PEMT: variants seen among roughly 807,000 people sequenced by gnomAD.
PEMT encodes phospholipid methyltransferase.
PEMT carries 23 observed loss-of-function variants against 27.4 expected under a neutral mutation model. The observed-to-expected ratio is 0.84, with a 90% CI of 0.60 to 1.19. PEMT has a LOEUF of 1.19. Ranked by LOEUF, PEMT falls within the 50% of genes most tolerant of loss-of-function variation. The pLI is 0.00. For synonymous variants in PEMT, 137 were observed against 139.1 expected, an observed-to-expected ratio of 0.98 and a Z score of 0.11; for missense variants, 307 against 310.1, an observed-to-expected ratio of 0.99 and a Z score of 0.07.
intron 3 of PEMT, among the ~76,000 whole-genome samples, chr17:17,516,195 C>T (rs1464383820): frequency 6.6e-6 from 1 of 152,164 alleles, no homozygotes; most frequent in African/African-American, 2.4e-5. Flanking sequence ...GAGTGACTCG[C>T]TCTTTCCACT....
At chr17:17,525,889 G>A (rs1237686630) in intron 2 of PEMT, among the ~76,000 whole-genome samples, 4 of 152,170 alleles carry the variant, frequency 2.6e-5, no homozygotes, top group Admixed American at 1.3e-4. Flanking sequence ...AGCTACTCAG[G>A]AGGCTGAGGC....
chr17:17,560,590 G>A (rs1910405525), intron 2 of PEMT, among the ~76,000 whole-genome samples: 1 of 152,208 alleles, frequency 6.6e-6, no homozygotes, highest in South Asian at 2.1e-4. Flanking sequence ...TAGAGAACCG[G>A]GAATGGGGGC....
intron 2 of PEMT, among the ~76,000 whole-genome samples, chr17:17,552,752 C>T (rs1909749779): frequency 6.6e-6 from 1 of 152,234 alleles, no homozygotes; most frequent in Non-Finnish European, 1.5e-5. Context: ...GACATGGAGA[C>T]CCAAGATCTA....
At chr17:17,536,786 T>C (rs890373024) in intron 2 of PEMT, among the ~76,000 whole-genome samples, 4 of 152,210 alleles carry the variant, frequency 2.6e-5, no homozygotes. Flanking sequence ...AATGGTCCAT[T>C]GGCCCCGTGG....
chr17:17,542,596 G>C (rs1597909791), intron 2 of PEMT, among the ~76,000 whole-genome samples: 1 of 152,330 alleles, frequency 6.6e-6, no homozygotes, highest in Middle Eastern at 3.4e-3. Flanking sequence ...TGGTGGGATT[G>C]TCTTTCATGG....
At chr17:17,587,870 C>T (rs72828501) in intron 1 of PEMT, among the ~76,000 whole-genome samples, 5,347 of 152,010 alleles carry the variant, frequency 0.035, 115 homozygotes, top group Non-Finnish European at 0.056. Context: ...AGCAACAGAG[C>T]GAGACTCTGT....
chr17:17,580,187 T>C (rs1412160441), intron 1 of PEMT, among the ~76,000 whole-genome samples: 1 of 151,976 alleles, frequency 6.6e-6, no homozygotes, highest in Admixed American at 6.6e-5. Flanking sequence ...GATGATAACA[T>C]CTATTAAGCA....
At chr17:17,571,978 G>C (rs1911237322) in intron 2 of PEMT, among the ~76,000 whole-genome samples, 1 of 152,194 alleles carries the variant, frequency 6.6e-6, no homozygotes, top group Admixed American at 6.5e-5. Context: ...GGGATTATAG[G>C]CGTGAGCCAC....
chr17:17,560,148 A>G (rs1318879413), intron 2 of PEMT, among the ~76,000 whole-genome samples: 4 of 152,202 alleles, frequency 2.6e-5, no homozygotes, highest in African/African-American at 7.2e-5. Context: ...TGACCATCAC[A>G]TGGTCAAGGC....
chr17:17,554,504 G>A (rs1909907261), intron 2 of PEMT, among the ~76,000 whole-genome samples: 1 of 152,266 alleles, frequency 6.6e-6, no homozygotes, highest in Non-Finnish European at 1.5e-5. Context: ...TTTTAAGCCA[G>A]CAAACGTGAG....
intron 1 of PEMT, among the ~76,000 whole-genome samples, chr17:17,588,415 A>T (rs906089952): frequency 1.3e-5 from 2 of 152,028 alleles, no homozygotes; most frequent in Admixed American, 1.3e-4. Context: ...ACACACAGGG[A>T]CCTGTGTCCC....
intron 2 of PEMT, among the ~76,000 whole-genome samples, chr17:17,575,721 C>G (rs1467435761): frequency 6.6e-6 from 1 of 152,186 alleles, no homozygotes; most frequent in Non-Finnish European, 1.5e-5. Context: ...GCTCGCCAGT[C>G]TCACTCCCAC....
chr17:17,588,196 T>C (rs1912419453), intron 1 of PEMT, among the ~76,000 whole-genome samples: 1 of 152,220 alleles, frequency 6.6e-6, no homozygotes, highest in African/African-American at 2.4e-5. Context: ...CCAAAATTAC[T>C]GAAGACAAAA....
At chr17:17,583,952 C>G (rs565615166) in intron 1 of PEMT, among the ~76,000 whole-genome samples, 5 of 152,322 alleles carry the variant, frequency 3.3e-5, no homozygotes. Flanking sequence ...ATCCATAACT[C>G]CTTTCAGGAG....
intron 1 of PEMT, among the ~76,000 whole-genome samples, chr17:17,580,614 A>G (rs532274903): frequency 6.6e-6 from 1 of 152,216 alleles, no homozygotes; most frequent in Non-Finnish European, 1.5e-5. Flanking sequence ...AAGTGCACCA[A>G]GAGTGAGTTA....
At chr17:17,585,066 G>A (rs915680869) in intron 1 of PEMT, among the ~76,000 whole-genome samples, 2 of 152,202 alleles carry the variant, frequency 1.3e-5, no homozygotes, top group Non-Finnish European at 2.9e-5. Flanking sequence ...GGCCAGGCGC[G>A]GTGGCTCACG....
intron 2 of PEMT, among the ~76,000 whole-genome samples, chr17:17,563,180 C>T (rs1348864948): frequency 1.3e-5 from 2 of 152,070 alleles, no homozygotes; most frequent in Non-Finnish European, 2.9e-5. Context: ...GACTAAGAGC[C>T]CCTGAGGCCC....
At chr17:17,591,960 A>T (rs967817729), upstream of PEMT, 2 of 985,116 alleles carry the variant, frequency 2.0e-6, no homozygotes, top group Admixed American at 6.1e-5. Context: ...CCGAGCCTGT[A>T]ACTGACCTGG....
At chr17:17,519,698 C>T (rs955626510) in intron 3 of PEMT, among the ~76,000 whole-genome samples, 3 of 152,192 alleles carry the variant, frequency 2.0e-5, no homozygotes, top group African/African-American at 7.2e-5. Flanking sequence ...CCTCCAGGGT[C>T]AGGCAGATCA....
Sources: allele counts gnomAD v4.1 joint callset (sites outside exome capture counted in the v4.1 genomes callset), GRCh38; gene constraint gnomAD v4.1.1; transcripts MANE v1.5; gene names NCBI Gene and HGNC (gene_info 2026-07-23, HGNC 2026-07-21).